Variants in ANKS1B observed in about 807,000 individuals in gnomAD.
The protein encoded by ANKS1B is ankyrin repeat and sterile alpha motif domain-containing protein 1B.
A neutral mutation model predicts 148.3 loss-of-function variants in ANKS1B; 36 were observed. That is an observed-to-expected ratio of 0.24 (90% CI 0.19 to 0.32). The LOEUF (loss-of-function observed/expected upper bound fraction) is 0.32. Ranked by LOEUF, ANKS1B falls within the 10% of genes least tolerant of loss-of-function variation. The probability of loss-of-function intolerance (pLI) is 1.00; values close to 1 mark genes in which losing one functional copy is unlikely to be tolerated. For synonymous variants in ANKS1B, 542 were observed against 560.8 expected (o/e 0.97, Z 0.47); for missense variants, 1,157 against 1,542.6 (o/e 0.75, Z 4.19).
chr12:99,111,918 A>G (rs2060367475), intron 15 of ANKS1B, among the ~76,000 whole-genome samples: 1 of 152,144 alleles, frequency 6.6e-6, no homozygotes, highest in Non-Finnish European at 1.5e-5. Context: ...GATTCAGGAT[A>G]TATTACCATT....
chr12:99,086,671 T>C (rs1200231341), intron 15 of ANKS1B, among the ~76,000 whole-genome samples: 4 of 152,232 alleles, frequency 2.6e-5, no homozygotes, highest in Admixed American at 2.0e-4. Context: ...GTGATTAATA[T>C]TTGAATGCAG....
In ANKS1B at chr12:99,632,738, T is replaced by G. The variant is rs1428153795; in HGVS notation, c.1272+22329A>C. ...TCTTCCTTTTCTTTCTATATATATA[T>G]ATATATATATATATATATATATATA... On this transcript the variant is annotated intron_variant, in intron 9 of 26. Coordinates refer to ENST00000683438, the MANE Select transcript of ANKS1B (RefSeq NM_001352186.2). Among the ~76,000 whole-genome samples the G allele has an allele frequency of 3.5e-4, 15 of 42,846 alleles. No homozygotes were observed. The South Asian group carries it at 0.011, about 32-fold the overall frequency. 28.1% of individuals were successfully genotyped at this position (42,846 alleles called of 152,430 possible). A position where few individuals can be genotyped will look rare whatever the true frequency, so the allele number is the denominator to read the frequency against.
At chr12:99,479,656 G>GT (rs1392958078) in intron 10 of ANKS1B, among the ~76,000 whole-genome samples, 1 of 151,936 alleles carries the variant, frequency 6.6e-6, no homozygotes, top group African/African-American at 2.4e-5. Context: ...GACCTCACTT[G>GT]TATGTGGAAT....
chr12:99,447,443 C>T (rs2095653774), intron 10 of ANKS1B, among the ~76,000 whole-genome samples: 1 of 151,780 alleles, frequency 6.6e-6, no homozygotes, highest in Non-Finnish European at 1.5e-5. Context: ...AGACCACTCT[C>T]TAAAAAAACA....
At chr12:99,900,499 C>G (rs1336611483) in intron 1 of ANKS1B, among the ~76,000 whole-genome samples, 1 of 113,204 alleles carries the variant, frequency 8.8e-6, no homozygotes, top group Non-Finnish European at 1.7e-5. Context: ...GAGTGAGACT[C>G]CATCTCAAAA....
At chr12:99,513,983 C>T (rs544447782) in intron 9 of ANKS1B, among the ~76,000 whole-genome samples, 51 of 152,094 alleles carry the variant, frequency 3.4e-4, no homozygotes, top group African/African-American at 1.2e-3. Context: ...ACATTTAACA[C>T]GGTCTCTCAT....
chr12:99,930,069 A>T (rs1043696087), intron 1 of ANKS1B, among the ~76,000 whole-genome samples: 4 of 152,008 alleles, frequency 2.6e-5, no homozygotes, highest in African/African-American at 9.7e-5. Context: ...ATGGCATTGA[A>T]TCTATAAATT....
intron 8 of ANKS1B, among the ~76,000 whole-genome samples, chr12:99,747,805 C>T (rs1385884922): frequency 6.6e-6 from 1 of 152,098 alleles, no homozygotes; most frequent in Non-Finnish European, 1.5e-5. Context: ...TCTCAAATCT[C>T]TCTTATTAAA....
intron 12 of ANKS1B, among the ~76,000 whole-genome samples, chr12:99,249,215 GA>G (rs1186266026): frequency 5.9e-5 from 9 of 152,122 alleles, no homozygotes; most frequent in Non-Finnish European, 1.5e-5. Flanking sequence ...AAGGAAAATT[GA>G]AAAGAGCTTG....
chr12:99,875,159 T>C (rs1326564339), intron 1 of ANKS1B, among the ~76,000 whole-genome samples: 1 of 152,158 alleles, frequency 6.6e-6, no homozygotes, highest in African/African-American at 2.4e-5. Flanking sequence ...TTTAGAAAGA[T>C]GCTTTGACTT....
At chr12:99,677,179 T>C (rs1025768883) in intron 8 of ANKS1B, among the ~76,000 whole-genome samples, 1 of 152,206 alleles carries the variant, frequency 6.6e-6, no homozygotes, top group East Asian at 1.9e-4. Context: ...CTCCTACATC[T>C]TTCATAGCCT....
At chr12:99,018,390 A>T (rs554031813) in intron 17 of ANKS1B, among the ~76,000 whole-genome samples, 1 of 152,348 alleles carries the variant, frequency 6.6e-6, no homozygotes, top group South Asian at 2.1e-4. Context: ...ATTATGATTG[A>T]GACAATCAAA....
chr12:99,637,157 A>G (rs550821650), intron 9 of ANKS1B, among the ~76,000 whole-genome samples: 18 of 152,108 alleles, frequency 1.2e-4, no homozygotes, highest in Admixed American at 7.2e-4. Flanking sequence ...AATACAAAAA[A>G]GAAAATTAGC....
At chr12:99,909,073 T>C (rs372422039) in intron 1 of ANKS1B, among the ~76,000 whole-genome samples, 1 of 152,252 alleles carries the variant, frequency 6.6e-6, no homozygotes, top group African/African-American at 2.4e-5. Flanking sequence ...ATTCAACTTT[T>C]TTTTTAGATT....
intron 17 of ANKS1B, among the ~76,000 whole-genome samples, chr12:99,033,133 A>T (rs1312373176): frequency 6.6e-6 from 1 of 152,194 alleles, no homozygotes; most frequent in Non-Finnish European, 1.5e-5. Context: ...AACCTTTAAA[A>T]ATGCATGCCC....
chr12:99,610,463 G>T (rs921209739), intron 9 of ANKS1B, among the ~76,000 whole-genome samples: 2 of 152,038 alleles, frequency 1.3e-5, no homozygotes, highest in African/African-American at 4.8e-5. Context: ...CAGAAAGGTG[G>T]GGAAAGGTCA....
intron 9 of ANKS1B, among the ~76,000 whole-genome samples, chr12:99,555,124 C>T (rs1023964351): frequency 7.9e-5 from 12 of 152,050 alleles, no homozygotes; most frequent in Non-Finnish European, 1.2e-4. Context: ...AACATACACA[C>T]GCATAGGTCT....
chr12:99,275,165 C>T (rs1287883477), intron 12 of ANKS1B, among the ~76,000 whole-genome samples: 1 of 152,148 alleles, frequency 6.6e-6, no homozygotes, highest in Non-Finnish European at 1.5e-5. Flanking sequence ...GTGTATCCAT[C>T]ATATCAAGTA....
chr12:98,766,823 C>T (rs1364145883), intron 25 of ANKS1B, among the ~76,000 whole-genome samples: 1 of 150,714 alleles, frequency 6.6e-6, no homozygotes, highest in African/African-American at 2.4e-5. Context: ...TTTTTCTTTC[C>T]TTTTTTTTTG....
Sources: gnomAD v4.1 joint callset for allele counts (sites outside exome capture counted in the v4.1 genomes callset) on GRCh38, gnomAD v4.1.1 for gene constraint, MANE v1.5 for transcripts, NCBI Gene and HGNC (gene_info 2026-07-23, HGNC 2026-07-21) for gene names.